The following PLEKHA3 variants were observed in gnomAD, a reference collection of about 807,000 sequenced individuals.
The protein encoded by PLEKHA3 is pleckstrin homology domain-containing family A member 3.
A neutral mutation model predicts 39.2 loss-of-function variants in PLEKHA3; 19 were observed. That is an observed-to-expected ratio of 0.48 (90% CI 0.34 to 0.71). The LOEUF (loss-of-function observed/expected upper bound fraction) is 0.71. PLEKHA3 is among the 30% of genes least tolerant of loss of function. PLEKHA3 has a pLI of 0.01. For missense variants in PLEKHA3, 253 were observed against 359.5 expected (o/e 0.70, Z 2.40); for synonymous variants, 97 against 118.6 (o/e 0.82, Z 1.18).
intron 2 of PLEKHA3, among the ~76,000 whole-genome samples, chr2:178,489,629 C>G (rs1230919108): frequency 1.3e-5 from 2 of 151,822 alleles, no homozygotes. Flanking sequence ...GCTTGCACCA[C>G]TATACTGGCT....
In PLEKHA3 at chr2:178,504,095, C is replaced by A; in HGVS notation, c.*208C>A. On this transcript the variant is annotated 3_prime_UTR_variant, in exon 8 of 8. Coordinates refer to ENST00000234453, the MANE Select transcript of PLEKHA3 (RefSeq NM_019091.4). ...TGCAAGAGTATTTTCCTAATAACTT[C>A]ACAGTATGAATGTGCATCTTTTTTT... 1 of 425,780 alleles carries A rather than the reference C, an allele frequency of 2.3e-6. No individual in the cohort carries two copies. Among genetic ancestry groups the A allele is most frequent in the Non-Finnish European group, 4.2e-6 (1 of 239,152 alleles). The allele number at this position is 425,780 out of a possible 1,614,324, so 26.4% of individuals were successfully genotyped here.
At chr2:178,497,186 A>G (rs1685462736) in intron 5 of PLEKHA3, among the ~76,000 whole-genome samples, 1 of 150,934 alleles carries the variant, frequency 6.6e-6, no homozygotes. Context: ...AGCCCGTTAT[A>G]TATATACACA....
At chr2:178,490,878 A>G (rs1685332629) in intron 3 of PLEKHA3, 64 bp downstream of exon 3, 1 of 1,310,584 alleles carries the variant, frequency 7.6e-7, no homozygotes, top group African/African-American at 1.5e-5. Flanking sequence ...AATGTAACTA[A>G]ATTAGCCTGT....
At chr2:178,499,363 T>G in intron 6 of PLEKHA3, 109 bp downstream of exon 6, 2 of 1,066,766 alleles carry the variant, frequency 1.9e-6, no homozygotes, top group Non-Finnish European at 2.7e-6. Flanking sequence ...ATGGGTTAGG[T>G]CTGGTTCAAA....
chr2:178,514,673 ATTCT>A lies in PLEKHA3; in HGVS notation c.*10789_*10792del, dbSNP rs1162413288. The A allele has an allele frequency of 7.0e-6, 1 of 143,526 alleles. No homozygotes were observed. The highest frequency in any genetic ancestry group is 1.5e-5 in the Non-Finnish European group (1 of 67,404). The allele number at this position is 143,526 out of a possible 1,614,324, so 8.9% of individuals were successfully genotyped here. ...TGCTCAGGAAAAAAAAAGTGCCAAT[ATTCT>A]TTTTTTTTTTTTCTCTAAGAAGTAC... is the stretch of plus-strand genomic sequence containing the variant. On this transcript the variant is annotated 3_prime_UTR_variant, in exon 8 of 8. Transcript: ENST00000234453.
At chr2:178,492,463 C>T in intron 3 of PLEKHA3, among the ~76,000 whole-genome samples, 1 of 113,958 alleles carries the variant, frequency 8.8e-6, no homozygotes, top group Admixed American at 1.3e-4. Flanking sequence ...GTAAAAAAAG[C>T]TAATCATGTG....
rs558035954 is a variant in PLEKHA3 at position 178,510,735 on chromosome 2, C to T, written c.*6848C>T. 15 of 153,516 alleles carry T rather than the reference C, an allele frequency of 9.8e-5. No individual in the cohort carries two copies. The highest frequency in any genetic ancestry group is 3.6e-4 in the African/African-American group (15 of 41,566). The allele number at this position is 153,516 out of a possible 1,614,324, so 9.5% of individuals were successfully genotyped here. A position where few individuals can be genotyped will look rare whatever the true frequency, so the allele number is the denominator to read the frequency against. ...AACTGTGAAAAAATAAATTTTCATT[C>T]TTTATGGTAAATTCCCATCACTGTA... is the stretch of plus-strand genomic sequence containing the variant. On this transcript the variant is annotated 3_prime_UTR_variant, in exon 8 of 8. Transcript: ENST00000234453.
intron 7 of PLEKHA3, 23 bp from the exon 8 acceptor site, chr2:178,503,737 C>T (rs370488140): frequency 2.2e-5 from 36 of 1,606,970 alleles, no homozygotes; most frequent in African/African-American, 1.9e-4. Flanking sequence ...GGATGTTTAA[C>T]GTTTTTATCA....
intron 3 of PLEKHA3, 41 bp from the exon 4 acceptor site, chr2:178,493,812 T>C: frequency 6.5e-7 from 1 of 1,546,902 alleles, no homozygotes; most frequent in Non-Finnish European, 8.8e-7. Context: ...TCAAAGAATA[T>C]GAAAATGATC....
chr2:178,491,231 G>A (rs777930051), intron 3 of PLEKHA3, among the ~76,000 whole-genome samples: 8 of 152,006 alleles, frequency 5.3e-5, no homozygotes, highest in Non-Finnish European at 8.8e-5. Flanking sequence ...AGCTGGTCTC[G>A]AATTCCCGAC....
intron 5 of PLEKHA3, among the ~76,000 whole-genome samples, chr2:178,497,006 A>C (rs1322260315): frequency 6.6e-6 from 1 of 151,670 alleles, no homozygotes; most frequent in African/African-American, 2.4e-5. Flanking sequence ...GGCTGGTCTC[A>C]AACTCCTAGC....
chr2:178,500,972 A>G, intron 6 of PLEKHA3, 89 bp from the exon 7 acceptor site: 4 of 810,792 alleles, frequency 4.9e-6, no homozygotes, highest in Non-Finnish European at 8.2e-6. Flanking sequence ...TTCTTTTTTC[A>G]CTTAAAGAGA....
At chr2:178,499,372 A>G in intron 6 of PLEKHA3, 118 bp downstream of exon 6, 1 of 904,628 alleles carries the variant, frequency 1.1e-6, no homozygotes, top group Non-Finnish European at 1.6e-6. Flanking sequence ...GTCTGGTTCA[A>G]AACCAGCATT....
chr2:178,486,891 A>C (rs1685259084), intron 2 of PLEKHA3, among the ~76,000 whole-genome samples: 1 of 152,234 alleles, frequency 6.6e-6, no homozygotes, highest in South Asian at 2.1e-4. Flanking sequence ...CTAGAAGTGG[A>C]GTGGAATGCT....
chr2:178,514,414 A>G lies in PLEKHA3; in HGVS notation c.*10527A>G, dbSNP rs1685731011. The G allele has an allele frequency of 6.6e-6, 1 of 152,108 alleles. No individual in the cohort carries two copies. Among genetic ancestry groups the G allele is most frequent in the African/African-American group, 2.4e-5 (1 of 41,430 alleles). The allele number at this position is 152,108 out of a possible 1,614,324, so 9.4% of individuals were successfully genotyped here. ...ACTTTGCATAACTTTGCTAGATTAT[A>G]TATATCTTTACTCACAATAAGCAAA... On this transcript the variant is annotated 3_prime_UTR_variant, in exon 8 of 8. Coordinates refer to ENST00000234453, the MANE Select transcript of PLEKHA3 (RefSeq NM_019091.4).
At chr2:178,480,965 G>A in intron 1 of PLEKHA3, 56 bp downstream of exon 1, 1 of 1,291,156 alleles carries the variant, frequency 7.7e-7, no homozygotes, top group Non-Finnish European at 1.0e-6. Context: ...TGCTGAGAAG[G>A]CGGGTCGGGG....
chr2:178,483,795 T>C (rs1051458960), intron 1 of PLEKHA3, among the ~76,000 whole-genome samples: 5 of 152,222 alleles, frequency 3.3e-5, no homozygotes, highest in Non-Finnish European at 5.9e-5. Context: ...ATAGGAAATA[T>C]CTGCAGGGTG....
intron 6 of PLEKHA3, 99 bp downstream of exon 6, chr2:178,499,353 A>G: frequency 8.3e-7 from 1 of 1,209,772 alleles, no homozygotes; most frequent in Non-Finnish European, 1.2e-6. Context: ...TAAACTCTGT[A>G]TGGGTTAGGT....
At chr2:178,481,835 G>C (rs1685168262) in intron 1 of PLEKHA3, 2 of 95,708 alleles carry the variant, frequency 2.1e-5, no homozygotes. Context: ...ACAGTAAACA[G>C]ATTTTTTGGG....
Sources: gnomAD v4.1 joint callset for allele counts (sites outside exome capture counted in the v4.1 genomes callset) on GRCh38, gnomAD v4.1.1 for gene constraint, MANE v1.5 for transcripts, NCBI Gene and HGNC (gene_info 2026-07-23, HGNC 2026-07-21) for gene names.